The following TRAM2 variants were observed in gnomAD, a reference collection of about 807,000 sequenced individuals.
The protein encoded by TRAM2 is translocation associated membrane protein 2.
A neutral mutation model predicts 51.0 loss-of-function variants in TRAM2; 12 were observed. The observed-to-expected ratio is 0.24, with a 90% confidence interval of 0.15 to 0.38. The LOEUF (loss-of-function observed/expected upper bound fraction) is 0.38. TRAM2 is among the 10% of genes least tolerant of loss of function. The pLI is 1.00. For missense variants in TRAM2, 361 were observed against 462.0 expected, an observed-to-expected ratio of 0.78 and a Z score of 2.00; for synonymous variants, 175 against 179.4, an observed-to-expected ratio of 0.98 and a Z score of 0.20.
intron 2 of TRAM2, chr6:52,517,141 T>C (rs1451709787): frequency 5.7e-6 from 1 of 174,720 alleles, no homozygotes; most frequent in Non-Finnish European, 1.2e-5. Context: ...ACTATAGTTA[T>C]GCTTTCTCAA....
At chr6:52,544,591 G>A (rs1354598646) in intron 1 of TRAM2, among the ~76,000 whole-genome samples, 1 of 152,242 alleles carries the variant, frequency 6.6e-6, no homozygotes, top group Non-Finnish European at 1.5e-5. Context: ...AGTCCATCTT[G>A]CTCGAGTCTA....
intron 1 of TRAM2, among the ~76,000 whole-genome samples, chr6:52,543,741 T>C (rs1767147064): frequency 6.6e-6 from 1 of 152,178 alleles, no homozygotes; most frequent in Non-Finnish European, 1.5e-5. Flanking sequence ...TTCTAATCAG[T>C]ATAGATGTGT....
chr6:52,558,252 C>T (rs972561926), intron 1 of TRAM2, among the ~76,000 whole-genome samples: 7 of 152,072 alleles, frequency 4.6e-5, no homozygotes, highest in African/African-American at 7.2e-5. Flanking sequence ...GTAGCCAAAC[C>T]GGATGCCAGA....
At chr6:52,548,825 T>C (rs1347172637) in intron 1 of TRAM2, among the ~76,000 whole-genome samples, 1 of 152,216 alleles carries the variant, frequency 6.6e-6, no homozygotes, top group Non-Finnish European at 1.5e-5. Context: ...TGGAAGCTCC[T>C]TTGCTTTCTC....
rs1194746888 is a variant in TRAM2 at position 52,508,743 on chromosome 6, G to C, written c.471-425C>G. 4.6e-5 allele frequency among the ~76,000 whole-genome samples: 7 copies of C among 152,254 alleles called. No homozygotes were observed. The South Asian group carries it at 1.5e-3, about 32-fold the overall frequency. On this transcript the variant is annotated intron_variant, in intron 5 of 10. Transcript: ENST00000182527. ...TGCTATTATTGCTCTTAAAGATCTC[G>C]GGAAAGGCAGCCAGGCGTGGTGGCT...
intron 2 of TRAM2, among the ~76,000 whole-genome samples, chr6:52,519,711 C>G (rs1353423408): frequency 6.6e-6 from 1 of 151,818 alleles, no homozygotes; most frequent in Non-Finnish European, 1.5e-5. Context: ...CAGCACTATT[C>G]ACAACAGCCA....
intron 1 of TRAM2, among the ~76,000 whole-genome samples, chr6:52,563,693 T>TC (rs1767540468): frequency 1.4e-4 from 3 of 21,072 alleles, no homozygotes; most frequent in Non-Finnish European, 2.7e-4. Context: ...AGACTCAGCC[T>TC]CAAAAAAAAA....
chr6:52,551,101 C>G (rs1767300622), intron 1 of TRAM2, among the ~76,000 whole-genome samples: 1 of 152,180 alleles, frequency 6.6e-6, no homozygotes, highest in Non-Finnish European at 1.5e-5. Flanking sequence ...CGAACAGTTT[C>G]CTGCCTGAGT....
In TRAM2 at chr6:52,502,318, C is replaced by T. The variant is rs999300109; in HGVS notation, c.*879G>A. On this transcript the variant is annotated 3_prime_UTR_variant, in exon 11 of 11. Coordinates refer to ENST00000182527, the MANE Select transcript of TRAM2 (RefSeq NM_012288.4). ...TTGTGAATGGCTGAAAAAGCAATGG[C>T]GACTGGGACTGCTGGAGAAAGGCCT... The T allele has an allele frequency of 1.3e-5, 2 of 152,340 alleles. No homozygotes were observed. Among genetic ancestry groups the T allele is most frequent in the African/African-American group, 2.4e-5 (1 of 41,468 alleles). The allele number at this position is 152,340 out of a possible 1,614,324, so 9.4% of individuals were successfully genotyped here. A position where few individuals can be genotyped will look rare whatever the true frequency, so the allele number is the denominator to read the frequency against.
intron 4 of TRAM2, among the ~76,000 whole-genome samples, chr6:52,511,219 T>G (rs1766446450): frequency 6.6e-6 from 1 of 152,228 alleles, no homozygotes; most frequent in Non-Finnish European, 1.5e-5. Flanking sequence ...TTCTCCCGCC[T>G]CAGTCCTCCT....
At chr6:52,573,146 T>C (rs1767707264) in intron 1 of TRAM2, among the ~76,000 whole-genome samples, 1 of 152,170 alleles carries the variant, frequency 6.6e-6, no homozygotes, top group African/African-American at 2.4e-5. Flanking sequence ...CTCTCTTCGG[T>C]GCACCCCCTT....
chr6:52,532,583 G>A (rs1766911847), intron 2 of TRAM2, among the ~76,000 whole-genome samples: 2 of 152,096 alleles, frequency 1.3e-5, no homozygotes, highest in South Asian at 4.1e-4. Context: ...CCAGTAATAG[G>A]AAGTTATCCT....
intron 1 of TRAM2, among the ~76,000 whole-genome samples, chr6:52,561,464 T>G (rs1214484477): frequency 2.7e-5 from 4 of 150,784 alleles, no homozygotes; most frequent in Non-Finnish European, 5.9e-5. Flanking sequence ...TTTTATACTT[T>G]AGTAGAGATG....
intron 1 of TRAM2, among the ~76,000 whole-genome samples, chr6:52,562,040 T>G (rs979373606): frequency 6.6e-6 from 1 of 150,666 alleles, no homozygotes. Context: ...TTTAAAATGG[T>G]AAATTTCATG....
intron 2 of TRAM2, chr6:52,522,846 T>G: frequency 1.4e-6 from 1 of 698,516 alleles, no homozygotes. Flanking sequence ...CTGCTCCGTT[T>G]CCTATGACTA....
chr6:52,565,536 CT>C (rs1767576073), intron 1 of TRAM2, among the ~76,000 whole-genome samples: 1 of 152,058 alleles, frequency 6.6e-6, no homozygotes, highest in Non-Finnish European at 1.5e-5. Context: ...ACCAACAGGC[CT>C]TGGTAAGAAG....
intron 1 of TRAM2, among the ~76,000 whole-genome samples, chr6:52,538,835 T>C (rs6904054): frequency 1 from 152,317 of 152,334 alleles, 76,150 homozygotes; most frequent in Non-Finnish European, 1. Flanking sequence ...ATCATTCACA[T>C]GAATTATGTT....
intron 1 of TRAM2, among the ~76,000 whole-genome samples, chr6:52,547,831 C>G (rs1337196163): frequency 2.6e-5 from 4 of 152,244 alleles, no homozygotes; most frequent in Non-Finnish European, 5.9e-5. Flanking sequence ...AGAATCAGAA[C>G]CCACAGATAT....
chr6:52,503,388 G>A, intron 10 of TRAM2, 118 bp from the exon 11 acceptor site: 1 of 879,590 alleles, frequency 1.1e-6, no homozygotes, highest in Non-Finnish European at 1.9e-6. Flanking sequence ...ATACATGGAT[G>A]CACCAAAGGG....
Sources: allele counts gnomAD v4.1 joint callset (sites outside exome capture counted in the v4.1 genomes callset), GRCh38; gene constraint gnomAD v4.1.1; transcripts MANE v1.5; gene names NCBI Gene and HGNC (gene_info 2026-07-23, HGNC 2026-07-21).